Variants in HSPA12A observed in about 807,000 individuals in gnomAD.
HSPA12A encodes heat shock protein family A (Hsp70) member 12A.
In HSPA12A, 28 loss-of-function variants were observed where a neutral mutation model predicts 69.2. The ratio of observed to expected loss-of-function variants is 0.40; its 90% confidence interval spans 0.30 to 0.55. The LOEUF (loss-of-function observed/expected upper bound fraction) is 0.55, where lower values mean the gene tolerates loss of function less well. HSPA12A is among the 20% of genes least tolerant of loss of function. The pLI, the probability that HSPA12A is intolerant of heterozygous loss-of-function variation, is 0.38. For synonymous variants in HSPA12A, 345 were observed against 370.5 expected (o/e 0.93, Z 0.79); for missense variants, 686 against 900.7 (o/e 0.76, Z 3.05).
chr10:116,779,164 C>T (rs554823694), intron 2 of HSPA12A, among the ~76,000 whole-genome samples: 11 of 152,198 alleles, frequency 7.2e-5, no homozygotes, highest in East Asian at 1.9e-4. Context: ...TGCTTCCCTT[C>T]GCAACATCGT....
At chr10:116,782,401 C>G (rs1554891898) in intron 2 of HSPA12A, among the ~76,000 whole-genome samples, 4 of 152,202 alleles carry the variant, frequency 2.6e-5, no homozygotes, top group African/African-American at 7.2e-5. Flanking sequence ...GCGTATATGA[C>G]AAGGCTGATA....
chr10:116,789,813 T>C (rs1460920338), intron 2 of HSPA12A, among the ~76,000 whole-genome samples: 1 of 152,182 alleles, frequency 6.6e-6, no homozygotes, highest in Non-Finnish European at 1.5e-5. Flanking sequence ...GCATTATCTC[T>C]GGCCATGCTT....
chr10:116,676,988 G>A (rs1849258526), intron 10 of HSPA12A, among the ~76,000 whole-genome samples: 1 of 152,174 alleles, frequency 6.6e-6, no homozygotes, highest in South Asian at 2.1e-4. Context: ...CACGGTCTCT[G>A]TCCAGAAGCA....
At chr10:116,698,836 G>C in intron 4 of HSPA12A, 97 bp from the exon 5 acceptor site, 1 of 918,652 alleles carries the variant, frequency 1.1e-6, no homozygotes, top group Non-Finnish European at 1.7e-6. Flanking sequence ...GAGGATCCTG[G>C]TGAGCCATGT....
intron 2 of HSPA12A, among the ~76,000 whole-genome samples, chr10:116,800,442 C>A (rs1844930698): frequency 6.6e-6 from 1 of 152,118 alleles, no homozygotes; most frequent in Non-Finnish European, 1.5e-5. Flanking sequence ...GCTCCTAGAC[C>A]CCACTGTGTC....
At chr10:116,694,494 A>C (rs1254371173) in intron 5 of HSPA12A, among the ~76,000 whole-genome samples, 5 of 152,212 alleles carry the variant, frequency 3.3e-5, no homozygotes, top group East Asian at 3.9e-4. Flanking sequence ...GAATTCACAA[A>C]CAACCACCCA....
rs1554881585 is a variant in HSPA12A at position 116,701,077 on chromosome 10, T to C, written c.307A>G (p.Ile103Val). 1 of 1,614,170 alleles carries C rather than the reference T, an allele frequency of 6.2e-7. No homozygotes were observed. Among genetic ancestry groups the C allele is most frequent in the African/African-American group, 1.3e-5 (1 of 75,038 alleles). The change falls in exon 4 of 12, where the codon ATC becomes GTC. Residue 103 changes from isoleucine to valine, a missense_variant. Coordinates refer to ENST00000369209, the MANE Select transcript of HSPA12A (RefSeq NM_025015.3). ...AACTTCCTCTCGGGAGTCAGCAAGA[T>C]GGTGGTTGGAGTCTTCTGATTGGAC... ...GVSNQKTPTT[I>V]LLTPERKFHS... is the part of the protein sequence containing the mutation.
intron 7 of HSPA12A, 71 bp from the exon 8 acceptor site, chr10:116,681,948 T>A (rs782185091): frequency 2.9e-6 from 4 of 1,385,160 alleles, no homozygotes; most frequent in Non-Finnish European, 4.1e-6. Context: ...TTGCAGTCAG[T>A]GAAGGCAATA....
chr10:116,751,808 G>A (rs1335108662), intron 2 of HSPA12A, among the ~76,000 whole-genome samples: 1 of 152,080 alleles, frequency 6.6e-6, no homozygotes, highest in African/African-American at 2.4e-5. Context: ...CCATCCCCTT[G>A]GTGATGAGTG....
rs1850067555 is a variant in HSPA12A at position 116,701,115 on chromosome 10, C to T, written c.269G>A (p.Gly90Asp). ...CIHVMRRWEG[G>D]DPGVSNQKTP... is the part of the protein sequence containing the mutation. ...CTTCTGATTGGACACACCAGGGTCA[C>T]CTCCCTCCCATCGCCTGCCACCAAG... Residue 90 changes from glycine to aspartate, a missense_variant, in exon 4 of 12, where the codon GGT becomes GAT. By Grantham distance (94) the Gly-to-Asp change is moderately conservative. Transcript: ENST00000369209. 4 of 1,613,532 alleles carry T rather than the reference C, an allele frequency of 2.5e-6. No individual in the cohort carries two copies. The highest frequency in any genetic ancestry group is 3.4e-6 in the Non-Finnish European group (4 of 1,179,818).
intron 2 of HSPA12A, among the ~76,000 whole-genome samples, chr10:116,780,173 T>A (rs1844432724): frequency 6.6e-6 from 1 of 152,126 alleles, no homozygotes; most frequent in Admixed American, 6.5e-5. Flanking sequence ...TCCTCCATCC[T>A]CCACCATACC....
intron 2 of HSPA12A, among the ~76,000 whole-genome samples, chr10:116,815,874 T>A (rs1845293497): frequency 6.6e-6 from 1 of 152,182 alleles, no homozygotes. Context: ...AGACAAAATG[T>A]GTATCTCCAG....
rs1849190353 is a variant in HSPA12A, at chr10:116,675,100, T to G, written c.1709A>C (p.Lys570Thr). 1 of 1,613,772 alleles carries G rather than the reference T, an allele frequency of 6.2e-7. No homozygotes were observed. Among genetic ancestry groups the G allele is most frequent in the Admixed American group, 1.7e-5 (1 of 59,996 alleles). ...GTRWCTDVFDKFISADQSVAL... is the reference protein window; with the variant it reads ...GTRWCTDVFDTFISADQSVAL... ...CACAGACTGGTCGGCAGAGATGAACTTGTCAAAGACGTCGGTGCACCACCG... is the reference window on the plus strand; with the variant it reads ...CACAGACTGGTCGGCAGAGATGAACGTGTCAAAGACGTCGGTGCACCACCG... Residue 570 changes from lysine (K) to threonine (T), a missense_variant, in exon 12 of 12, where the codon AAG (lysine) becomes ACG (threonine). Transcript: ENST00000369209. This position sits in a 1 kb window ranked among gnomAD's most constrained non-coding sequence, Gnocchi z 5.2.
At chr10:116,795,533 A>G (rs1367258083) in intron 2 of HSPA12A, among the ~76,000 whole-genome samples, 7 of 151,060 alleles carry the variant, frequency 4.6e-5, no homozygotes, top group African/African-American at 1.7e-4. Context: ...AAAAAATACA[A>G]AAATTAGCCA....
Position 116,769,283 on chromosome 10 carries a change from T to A in HSPA12A, c.92-61998A>T, listed in dbSNP as rs553084736. 2.1e-4 allele frequency among the ~76,000 whole-genome samples: 32 copies of A among 152,168 alleles called. No homozygotes were observed. In the East Asian group the frequency reaches 6.2e-3, roughly 30 times the overall value. ...ACTAAGGTGTGGGCTTGGTGGGGTC[T>A]TCTTAAGGAATGCTTTCCCCACCCC... On this transcript the variant is annotated intron_variant, in intron 2 of 12. Transcript: ENST00000635765.
intron 7 of HSPA12A, among the ~76,000 whole-genome samples, chr10:116,682,595 T>G (rs1365730698): frequency 1.3e-5 from 2 of 152,106 alleles, no homozygotes; most frequent in Non-Finnish European, 2.9e-5. Flanking sequence ...TGGCTTGAGG[T>G]GCTGAGTGGC....
chr10:116,684,623 A>G (rs933554410), intron 6 of HSPA12A, among the ~76,000 whole-genome samples: 3 of 152,104 alleles, frequency 2.0e-5, no homozygotes, highest in Admixed American at 1.3e-4. Context: ...GGAATCCCAT[A>G]TAGTCCCTCA....
At chr10:116,759,394 T>C (rs983931664) in intron 2 of HSPA12A, among the ~76,000 whole-genome samples, 2 of 152,222 alleles carry the variant, frequency 1.3e-5, no homozygotes, top group African/African-American at 4.8e-5. Context: ...CTTGTGGGTC[T>C]TTCTTCTCAG....
At chr10:116,706,650 A>G (rs549414668) in intron 2 of HSPA12A, among the ~76,000 whole-genome samples, 11 of 152,074 alleles carry the variant, frequency 7.2e-5, no homozygotes, top group Non-Finnish European at 1.2e-4. Flanking sequence ...GCCCCCTAAC[A>G]TCCATCTTTC....
Sources: allele counts gnomAD v4.1 joint callset (sites outside exome capture counted in the v4.1 genomes callset), GRCh38; gene constraint gnomAD v4.1.1; non-coding constraint Gnocchi (gnomAD v3.1); transcripts MANE v1.5; gene names NCBI Gene and HGNC (gene_info 2026-07-23, HGNC 2026-07-21).